C7orf78: variants seen among roughly 807,000 people sequenced by gnomAD.
C7orf78 encodes putative uncharacterized protein C7orf78.
the C7orf78 span, among the ~76,000 whole-genome samples, chr7:12,527,111 A>G: frequency 6.7e-6 from 1 of 149,042 alleles, no homozygotes; most frequent in South Asian, 2.1e-4. Flanking sequence ...TTCCTAGTAT[A>G]TGCTATGTGT....
chr7:12,492,876 A>G, the C7orf78 span, among the ~76,000 whole-genome samples: 1 of 152,224 alleles, frequency 6.6e-6, no homozygotes, highest in Non-Finnish European at 1.5e-5. Context: ...TGTGTTTTGC[A>G]GTATCTGACA....
the C7orf78 span, among the ~76,000 whole-genome samples, chr7:12,519,344 C>T: frequency 6.6e-6 from 1 of 152,188 alleles, no homozygotes; most frequent in Non-Finnish European, 1.5e-5. Flanking sequence ...CATCCAGCCC[C>T]TAGTGGCAGC....
chr7:12,490,477 G>T, the C7orf78 span, among the ~76,000 whole-genome samples: 1 of 152,078 alleles, frequency 6.6e-6, no homozygotes, highest in African/African-American at 2.4e-5. Flanking sequence ...ATATATTTCA[G>T]GGGAAGGAAG....
chr7:12,505,741 T>C, the C7orf78 span, among the ~76,000 whole-genome samples: 1 of 152,190 alleles, frequency 6.6e-6, no homozygotes, highest in Non-Finnish European at 1.5e-5. Context: ...TCTCTAATCT[T>C]TAGTTTTTTC....
At chr7:12,491,542 C>T in the C7orf78 span, 24,666 of 149,392 alleles carry the variant, frequency 0.17, 2,397 homozygotes, top group African/African-American at 0.28. Flanking sequence ...ATCTGTGTGT[C>T]GAGGTAGATT....
the C7orf78 span, among the ~76,000 whole-genome samples, chr7:12,527,809 G>T: frequency 2.7e-5 from 4 of 148,038 alleles, no homozygotes; most frequent in African/African-American, 1.0e-4. Context: ...GAACATGTCA[G>T]CTTTCCTAGT....
At chr7:12,520,201 C>A in the C7orf78 span, among the ~76,000 whole-genome samples, 407 of 152,310 alleles carry the variant, frequency 2.7e-3, 4 homozygotes, top group African/African-American at 6.7e-3. Flanking sequence ...TCAGATATTT[C>A]TCTTTTGGAC....
chr7:12,504,180 T>G, the C7orf78 span, among the ~76,000 whole-genome samples: 1 of 152,328 alleles, frequency 6.6e-6, no homozygotes, highest in East Asian at 1.9e-4. Context: ...TTCTCAAGAC[T>G]TAGTAAAACT....
chr7:12,500,358 G>A, the C7orf78 span, among the ~76,000 whole-genome samples: 2 of 151,106 alleles, frequency 1.3e-5, no homozygotes, highest in South Asian at 2.1e-4. Context: ...AAAAAAGAGA[G>A]AAGAATCAAA....
At chr7:12,514,426 A>G in the C7orf78 span, among the ~76,000 whole-genome samples, 3 of 151,898 alleles carry the variant, frequency 2.0e-5, no homozygotes, top group Admixed American at 2.0e-4. Flanking sequence ...TTTTCCATGT[A>G]TGTCTTTACA....
At chr7:12,503,270 A>C in the C7orf78 span, among the ~76,000 whole-genome samples, 1 of 145,310 alleles carries the variant, frequency 6.9e-6, no homozygotes, top group African/African-American at 2.8e-5. Context: ...ACACAAAAGA[A>C]AAAAAATATT....
chr7:12,523,520 A>G, the C7orf78 span: 1 of 395,816 alleles, frequency 2.5e-6, no homozygotes, highest in East Asian at 3.6e-5. Context: ...AAACTATTAC[A>G]TATAGGAAAA....
chr7:12,540,275 C>T, the C7orf78 span, among the ~76,000 whole-genome samples: 1 of 152,212 alleles, frequency 6.6e-6, no homozygotes. Flanking sequence ...TGTCTCCCCT[C>T]ACCTAAGTGG....
the C7orf78 span, among the ~76,000 whole-genome samples, chr7:12,488,913 G>GTTT: frequency 0.021 from 3,072 of 143,410 alleles, 110 homozygotes; most frequent in African/African-American, 0.073. Flanking sequence ...GGTTTGATTG[G>GTTT]TTTTTTTTTT....
chr7:12,494,867 T>G, the C7orf78 span, among the ~76,000 whole-genome samples: 1 of 152,124 alleles, frequency 6.6e-6, no homozygotes, highest in African/African-American at 2.4e-5. Context: ...GTTAGCCCTT[T>G]CCCTTGAAAA....
chr7:12,503,068 C>A, the C7orf78 span, among the ~76,000 whole-genome samples: 1 of 127,098 alleles, frequency 7.9e-6, no homozygotes, highest in African/African-American at 3.4e-5. Context: ...GAACATGACA[C>A]TCTGGGGACT....
At chr7:12,533,609 C>T in the C7orf78 span, among the ~76,000 whole-genome samples, 205 of 151,556 alleles carry the variant, frequency 1.4e-3, no homozygotes, top group African/African-American at 4.5e-3. Context: ...CTCCACCTCC[C>T]GGGTTCACAC....
the C7orf78 span, among the ~76,000 whole-genome samples, chr7:12,501,010 G>T: frequency 9.9e-5 from 15 of 151,462 alleles, no homozygotes; most frequent in Non-Finnish European, 2.1e-4. Flanking sequence ...TGCAGAAAAG[G>T]CCTTTGACAA....
the C7orf78 span, among the ~76,000 whole-genome samples, chr7:12,518,810 G>A: frequency 6.6e-6 from 1 of 152,194 alleles, no homozygotes; most frequent in East Asian, 1.9e-4. Flanking sequence ...CTTAGGGCTT[G>A]TACTAGAAAG....
Sources: allele counts gnomAD v4.1 joint callset (sites outside exome capture counted in the v4.1 genomes callset), GRCh38; gene constraint gnomAD v4.1.1; transcripts MANE v1.5; gene names NCBI Gene and HGNC (gene_info 2026-07-23, HGNC 2026-07-21).